FOXN3: variants seen among roughly 807,000 people sequenced by gnomAD.
FOXN3 encodes the protein forkhead box protein N3.
In FOXN3, 7 loss-of-function variants were observed where a neutral mutation model predicts 38.4. The ratio of observed to expected loss-of-function variants is 0.18; its 90% CI spans 0.10 to 0.34. The LOEUF is 0.34. Ranked by LOEUF, FOXN3 falls within the 10% of genes least tolerant of loss-of-function variation. The pLI, the probability that FOXN3 is intolerant of heterozygous loss-of-function variation, is 1.00. For synonymous variants in FOXN3, 230 were observed against 242.2 expected, an observed-to-expected ratio of 0.95 and a Z score of 0.47; for missense variants, 456 against 613.4, an observed-to-expected ratio of 0.74 and a Z score of 2.71.
At chr14:89,339,865 AC>A (rs1888565697) in intron 3 of FOXN3, among the ~76,000 whole-genome samples, 1 of 151,954 alleles carries the variant, frequency 6.6e-6, no homozygotes, top group Non-Finnish European at 1.5e-5. Flanking sequence ...CCAGGCCAGA[AC>A]CCCCACCTCC....
chr14:89,351,948 G>T (rs1888987970), intron 2 of FOXN3, among the ~76,000 whole-genome samples: 1 of 152,200 alleles, frequency 6.6e-6, no homozygotes, highest in African/African-American at 2.4e-5. Flanking sequence ...TTCATCATCA[G>T]TTCACCCGAG....
intron 3 of FOXN3, among the ~76,000 whole-genome samples, chr14:89,336,934 G>C (rs1888478857): frequency 6.6e-6 from 1 of 152,184 alleles, no homozygotes; most frequent in Admixed American, 6.5e-5. Context: ...CATCTAAGGG[G>C]TGAGGGTAAG....
rs1889325195 is a variant in FOXN3 at position 89,358,448 on chromosome 14, C to T, written c.544-7640G>A. Among the ~76,000 whole-genome samples the T allele has an allele frequency of 1.3e-5, 2 of 152,200 alleles. 1 individual carries two copies. Among genetic ancestry groups the T allele is most frequent in the South Asian group, 4.1e-4 (2 of 4,834 alleles). On this transcript the variant is annotated intron_variant, in intron 2 of 5. Transcript: ENST00000557258. ...AAAGGAAGACCCCCATTGGGGGATA[C>T]AGACACGGACTAGAGTAAGTTACCC...
chr14:89,435,626 C>T (rs1021031117), intron 1 of FOXN3, among the ~76,000 whole-genome samples: 7 of 152,144 alleles, frequency 4.6e-5, no homozygotes, highest in South Asian at 2.1e-4. Flanking sequence ...AATCTCATCT[C>T]GAGACCAGCC....
chr14:89,531,010 ATAT>A (rs554590499), intron 1 of FOXN3, among the ~76,000 whole-genome samples: 1,733 of 147,770 alleles, frequency 0.012, 33 homozygotes, highest in African/African-American at 0.04. Flanking sequence ...ATATATATAC[ATAT>A]AATATCTACA....
intron 2 of FOXN3, among the ~76,000 whole-genome samples, chr14:89,370,090 TTTAA>T (rs1375420636): frequency 1.5e-4 from 23 of 152,400 alleles, no homozygotes; most frequent in Middle Eastern, 3.4e-3. Context: ...ACACGTTTTC[TTTAA>T]TTATTCATTT....
At chr14:89,464,522 G>A (rs1193954156) in intron 1 of FOXN3, among the ~76,000 whole-genome samples, 2 of 151,996 alleles carry the variant, frequency 1.3e-5, no homozygotes, top group African/African-American at 4.8e-5. Flanking sequence ...TATAAAATGG[G>A]CTCTATCCTT....
At chr14:89,338,260 G>T (rs1888521605) in intron 3 of FOXN3, among the ~76,000 whole-genome samples, 1 of 152,106 alleles carries the variant, frequency 6.6e-6, no homozygotes, top group Admixed American at 6.5e-5. Context: ...ATGATTTCTG[G>T]CATCCCAGAG....
intron 4 of FOXN3, among the ~76,000 whole-genome samples, chr14:89,266,214 C>G (rs4904527): frequency 0.83 from 125,990 of 152,206 alleles, 52,146 homozygotes; most frequent in Admixed American, 0.86. Context: ...AGAAGTCCGA[C>G]ATCAAAGAGC....
chr14:89,461,511 T>C (rs1892848168), intron 1 of FOXN3, among the ~76,000 whole-genome samples: 1 of 152,118 alleles, frequency 6.6e-6, no homozygotes, highest in African/African-American at 2.4e-5. Flanking sequence ...CTTGAATGAA[T>C]AATAAATACA....
At chr14:89,587,401 AT>A (rs1895861009) in intron 1 of FOXN3, among the ~76,000 whole-genome samples, 1 of 152,230 alleles carries the variant, frequency 6.6e-6, no homozygotes, top group Non-Finnish European at 1.5e-5. Flanking sequence ...GCAAATTCAA[AT>A]GCCCACAGGA....
chr14:89,337,666 T>C (rs555404816), intron 3 of FOXN3, among the ~76,000 whole-genome samples: 9 of 149,644 alleles, frequency 6.0e-5, no homozygotes, highest in African/African-American at 2.2e-4. Flanking sequence ...AGTCTTGCTC[T>C]GTCACCAGGC....
At chr14:89,191,465 C>T (rs1887939925) in intron 4 of FOXN3, among the ~76,000 whole-genome samples, 1 of 152,218 alleles carries the variant, frequency 6.6e-6, no homozygotes, top group African/African-American at 2.4e-5. Context: ...TTGCAGATTA[C>T]TGCCTCTGTG....
intron 4 of FOXN3, among the ~76,000 whole-genome samples, chr14:89,276,239 A>C (rs541758969): frequency 7.9e-5 from 12 of 152,192 alleles, no homozygotes; most frequent in African/African-American, 2.9e-4. Context: ...AGATCACACC[A>C]CTTGCACACC....
chr14:89,245,215 T>C (rs374972914), intron 4 of FOXN3, among the ~76,000 whole-genome samples: 3 of 152,212 alleles, frequency 2.0e-5, no homozygotes, highest in African/African-American at 7.2e-5. Flanking sequence ...TGAACAGACT[T>C]GTATTTTTGG....
intron 5 of FOXN3, among the ~76,000 whole-genome samples, chr14:89,168,991 T>G (rs1887316935): frequency 1.3e-5 from 2 of 152,210 alleles, no homozygotes; most frequent in Admixed American, 1.3e-4. Flanking sequence ...TAACACTAAC[T>G]TCTAAGGGTA....
intron 4 of FOXN3, among the ~76,000 whole-genome samples, chr14:89,211,927 G>A (rs1884104966): frequency 6.6e-6 from 1 of 152,156 alleles, no homozygotes; most frequent in Non-Finnish European, 1.5e-5. Context: ...AGGGCCCTTT[G>A]GGAGGTGATA....
chr14:89,421,583 G>A (rs570908873), upstream of FOXN3, among the ~76,000 whole-genome samples: 180 of 148,902 alleles, frequency 1.2e-3, 2 homozygotes, highest in African/African-American at 4.2e-3. Context: ...CTGGAGTGCA[G>A]TGGCGCCATC....
chr14:89,188,057 T>C (rs540029087), intron 4 of FOXN3, among the ~76,000 whole-genome samples: 3 of 152,134 alleles, frequency 2.0e-5, no homozygotes, highest in African/African-American at 4.8e-5. Context: ...TTCCACTGTC[T>C]TGGAGCCCCG....
Sources: allele counts gnomAD v4.1 joint callset (sites outside exome capture counted in the v4.1 genomes callset), GRCh38; gene constraint gnomAD v4.1.1; transcripts MANE v1.5; gene names NCBI Gene and HGNC (gene_info 2026-07-23, HGNC 2026-07-21).